The following CCDC150 variants were observed in gnomAD, a reference collection of about 807,000 sequenced individuals.
CCDC150 encodes coiled-coil domain-containing protein 150.
A neutral mutation model predicts 156.5 loss-of-function variants in CCDC150; 151 were observed. The observed-to-expected ratio is 0.97, with a 90% CI of 0.85 to 1.10. The LOEUF (loss-of-function observed/expected upper bound fraction) is 1.10. Among genes scored for constraint, CCDC150 ranks in the 50% least tolerant of loss-of-function variants. The pLI is 0.00. For synonymous variants in CCDC150, 452 were observed against 429.4 expected (o/e 1.05, Z -0.65); for missense variants, 1,312 against 1,268.1 (o/e 1.03, Z -0.53).
chr2:196,711,537 T>A, intron 15 of CCDC150, among the ~76,000 whole-genome samples: 1 of 152,228 alleles, frequency 6.6e-6, no homozygotes, highest in Non-Finnish European at 1.5e-5. Context: ...ATTTGGAGAT[T>A]TATAAGTATA....
At chr2:196,731,665 G>A (rs939701391) in intron 26 of CCDC150, among the ~76,000 whole-genome samples, 4 of 152,002 alleles carry the variant, frequency 2.6e-5, no homozygotes, top group African/African-American at 9.7e-5. Flanking sequence ...GATTCCAGGT[G>A]TGAACCACCA....
intron 1 of CCDC150, among the ~76,000 whole-genome samples, chr2:196,642,581 G>T (rs1692292707): frequency 6.6e-6 from 1 of 152,156 alleles, no homozygotes; most frequent in African/African-American, 2.4e-5. Context: ...TGGCTTTAAG[G>T]CTGTCCTCTT....
intron 19 of CCDC150, 83 bp downstream of exon 19, chr2:196,719,749 T>A: frequency 1.0e-6 from 1 of 966,690 alleles, no homozygotes; most frequent in Non-Finnish European, 1.4e-6. Flanking sequence ...GAAGTCACTT[T>A]ATGTAGCTTC....
chr2:196,645,039 G>A (rs1370837583), intron 1 of CCDC150, among the ~76,000 whole-genome samples: 1 of 152,010 alleles, frequency 6.6e-6, no homozygotes, highest in Admixed American at 6.6e-5. Flanking sequence ...TGGGAGGATT[G>A]CTTGAACTTA....
chr2:196,721,588 G>C lies in CCDC150; in HGVS notation c.2326G>C (p.Glu776Gln), dbSNP rs768727073. ...CAACAGGAAACTTGCTATGAGTCTG[G>C]AACAAGCTCTCCAGACAAATAATCA... ...EDNRKLAMSL[E>Q]QALQTNNHLQ... The change falls in exon 21 of 28, where the codon GAA (glutamate) becomes CAA (glutamine). Residue 776 changes from glutamate (E) to glutamine (Q), a missense_variant. Physicochemically the swap from Glu to Gln is conservative, Grantham distance 29 (BLOSUM62 2). Transcript: ENST00000389175. 2 of 1,608,294 alleles carry C rather than the reference G, an allele frequency of 1.2e-6. No individual in the cohort carries two copies. The highest frequency in any genetic ancestry group is 2.2e-5 in the South Asian group (2 of 89,376).
intron 2 of CCDC150, among the ~76,000 whole-genome samples, chr2:196,654,814 T>C (rs1693094456): frequency 6.6e-6 from 1 of 152,210 alleles, no homozygotes; most frequent in Admixed American, 6.5e-5. Flanking sequence ...GCCGTGTTGG[T>C]TTCTGTACAT....
At chr2:196,690,101 CATT>C (rs1695364873) in intron 13 of CCDC150, among the ~76,000 whole-genome samples, 1 of 152,030 alleles carries the variant, frequency 6.6e-6, no homozygotes, top group African/African-American at 2.4e-5. Flanking sequence ...TGGAAATCAT[CATT>C]CTCAGTAAAC....
intron 1 of CCDC150, among the ~76,000 whole-genome samples, chr2:196,643,942 A>T (rs1692384049): frequency 6.6e-6 from 1 of 152,212 alleles, no homozygotes; most frequent in South Asian, 2.1e-4. Flanking sequence ...CCCAAGTGTC[A>T]ACATAGTCTG....
chr2:196,710,543 G>C lies in CCDC150; in HGVS notation c.1696-1602G>C, dbSNP rs140660213. ...AACCAGTCCCAATGAGATGAACCAG[G>C]TACCTCTGTGAAAATGCAGAAATCA... On this transcript the variant is annotated intron_variant, in intron 15 of 27. Transcript: ENST00000389175. Among the ~76,000 whole-genome samples the C allele has an allele frequency of 8.2e-4, 125 of 152,316 alleles. No homozygotes were observed. In the East Asian group the frequency reaches 0.022, roughly 27 times the overall value.
chr2:196,642,726 T>A (rs1403103636), intron 1 of CCDC150, among the ~76,000 whole-genome samples: 1 of 152,166 alleles, frequency 6.6e-6, no homozygotes, highest in Admixed American at 6.5e-5. Flanking sequence ...TAACTAACCC[T>A]GAGACTTGTT....
chr2:196,684,487 T>A (rs1297915227), intron 13 of CCDC150, among the ~76,000 whole-genome samples: 2 of 152,146 alleles, frequency 1.3e-5, no homozygotes, highest in Non-Finnish European at 1.5e-5. Flanking sequence ...CCCTGAAGAA[T>A]GTTCCATGTG....
At chr2:196,667,006 T>C in intron 7 of CCDC150, 158 bp downstream of exon 7, 1 of 705,494 alleles carries the variant, frequency 1.4e-6, no homozygotes, top group South Asian at 1.8e-5. Flanking sequence ...CCTGCAGTAC[T>C]GAGATACAGA....
intron 24 of CCDC150, 28 bp downstream of exon 24, chr2:196,729,889 T>C: frequency 6.2e-7 from 1 of 1,604,052 alleles, no homozygotes; most frequent in East Asian, 2.2e-5. Context: ...ACTCTGTGTT[T>C]ACCTTTCATG....
rs1252904806 is a variant in CCDC150, at chr2:196,712,189, C to T, written c.1740C>T (p.Asp580=). 1.9e-6 allele frequency: 3 copies of T among 1,587,904 alleles called. No homozygotes were observed. In the African/African-American group the frequency reaches 4.0e-5, roughly 21 times the overall value. Residue 580 remains aspartate (D), a synonymous_variant, in exon 16 of 28, where the codon GAC becomes GAT. Coordinates refer to ENST00000389175, the MANE Select transcript of CCDC150 (RefSeq NM_001080539.2). ...AAGAACAAGTACAGTCTTTTACTGA[C>T]ACCAGCTTACAGAATGATCATCTAC... The part of the protein sequence containing the change: ...QLEEQVQSFT[D]TSLQNDHLRK...
chr2:196,674,179 T>A, intron 9 of CCDC150, 62 bp from the exon 10 acceptor site: 1 of 986,100 alleles, frequency 1.0e-6, no homozygotes. Flanking sequence ...AAAATAATAA[T>A]ACATAAGTAA....
chr2:196,642,119 T>G (rs2125560910), intron 1 of CCDC150, among the ~76,000 whole-genome samples: 1 of 152,344 alleles, frequency 6.6e-6, no homozygotes, highest in South Asian at 2.1e-4. Flanking sequence ...AATAAAAGTT[T>G]ATATCTCAGT....
chr2:196,702,034 A>G (rs1302542385), intron 15 of CCDC150, among the ~76,000 whole-genome samples: 1 of 152,140 alleles, frequency 6.6e-6, no homozygotes, highest in Non-Finnish European at 1.5e-5. Flanking sequence ...GTTTGAGACT[A>G]GCCTGGGCAA....
intron 22 of CCDC150, chr2:196,727,619 A>G (rs1698282449): frequency 6.6e-6 from 1 of 152,228 alleles, no homozygotes; most frequent in Admixed American, 6.5e-5. Flanking sequence ...CTATATAAAT[A>G]CAAATGTTAT....
intron 14 of CCDC150, among the ~76,000 whole-genome samples, chr2:196,700,078 G>A (rs982934953): frequency 1.3e-5 from 2 of 152,104 alleles, no homozygotes; most frequent in African/African-American, 4.8e-5. Flanking sequence ...TAAAACAAAA[G>A]TCTAAAATTC....
Sources: gnomAD v4.1 joint callset for allele counts (sites outside exome capture counted in the v4.1 genomes callset) on GRCh38, gnomAD v4.1.1 for gene constraint, MANE v1.5 for transcripts, NCBI Gene and HGNC (gene_info 2026-07-23, HGNC 2026-07-21) for gene names.